The following VPS8 variants were observed in gnomAD, a reference collection of about 807,000 sequenced individuals.
VPS8 encodes VPS8 subunit of CORVET complex, also known as vacuolar protein sorting-associated protein 8 homolog.
In VPS8, 129 loss-of-function variants were observed where a neutral mutation model predicts 216.4. The observed-to-expected ratio is 0.60, with a 90% CI of 0.52 to 0.69. The LOEUF (loss-of-function observed/expected upper bound fraction) is 0.69. VPS8 is among the 30% of genes least tolerant of loss of function. VPS8 has a pLI of 0.00. For missense variants in VPS8, 1,531 were observed against 1,683.5 expected, an observed-to-expected ratio of 0.91 and a Z score of 1.59; for synonymous variants, 571 against 565.4, an observed-to-expected ratio of 1.01 and a Z score of -0.14.
chr3:184,840,535 T>A (rs928112265), intron 7 of VPS8: 3 of 151,524 alleles, frequency 2.0e-5, no homozygotes, highest in Admixed American at 6.6e-5. Context: ...ACCCCGTCTC[T>A]ACTGAAAAAA....
intron 36 of VPS8, among the ~76,000 whole-genome samples, chr3:184,955,270 C>T (rs1156981631): frequency 5.3e-5 from 8 of 152,110 alleles, no homozygotes; most frequent in South Asian, 2.1e-4. Context: ...ATGTTCCTCC[C>T]GTACTCCTGG....
chr3:184,921,354 G>A (rs1018599992), intron 29 of VPS8, among the ~76,000 whole-genome samples: 1 of 152,122 alleles, frequency 6.6e-6, no homozygotes. Flanking sequence ...ATCCAAAATG[G>A]CTGCTCCGGC....
intron 23 of VPS8, among the ~76,000 whole-genome samples, chr3:184,895,990 A>C (rs1043438956): frequency 2.0e-5 from 3 of 152,050 alleles, no homozygotes; most frequent in Non-Finnish European, 2.9e-5. Context: ...TTACTCCTGC[A>C]AAGGTGCCAA....
intron 37 of VPS8, among the ~76,000 whole-genome samples, chr3:184,962,214 A>G (rs916901274): frequency 2.0e-5 from 3 of 152,236 alleles, no homozygotes; most frequent in African/African-American, 7.2e-5. Context: ...TGTTATAAAC[A>G]GTGTTACAGT....
At chr3:185,003,614 T>G (rs1371808418) in intron 45 of VPS8, among the ~76,000 whole-genome samples, 1 of 151,918 alleles carries the variant, frequency 6.6e-6, no homozygotes. Context: ...TTCCCCCTTT[T>G]CTATTCCACA....
intron 25 of VPS8, among the ~76,000 whole-genome samples, chr3:184,907,746 G>A (rs944910543): frequency 2.0e-5 from 3 of 152,212 alleles, no homozygotes; most frequent in Non-Finnish European, 1.5e-5. Flanking sequence ...GGATATTGAA[G>A]TCTCCAAATA....
At chr3:185,009,108 T>C (rs1205158225) in intron 45 of VPS8, among the ~76,000 whole-genome samples, 1 of 152,240 alleles carries the variant, frequency 6.6e-6, no homozygotes, top group East Asian at 1.9e-4. Flanking sequence ...AGTCAGACTT[T>C]TGAAGTTCTG....
chr3:184,859,853 C>A, intron 14 of VPS8, 132 bp from the exon 15 acceptor site: 1 of 568,260 alleles, frequency 1.8e-6, no homozygotes, highest in Non-Finnish European at 3.1e-6. Context: ...GTGTAATTAT[C>A]AGTATTTTTG....
At chr3:185,033,278 C>T (rs1255512891) in intron 46 of VPS8, among the ~76,000 whole-genome samples, 2 of 152,304 alleles carry the variant, frequency 1.3e-5, no homozygotes, top group East Asian at 3.9e-4. Context: ...TCCCTGTGCT[C>T]CACCTATTTA....
intron 45 of VPS8, among the ~76,000 whole-genome samples, chr3:185,018,183 C>A (rs1756091213): frequency 6.6e-6 from 1 of 152,172 alleles, no homozygotes; most frequent in Non-Finnish European, 1.5e-5. Flanking sequence ...TAACAGGTCG[C>A]AGAGCAGCCT....
chr3:184,962,688 T>G (rs976189016), intron 37 of VPS8, among the ~76,000 whole-genome samples: 13 of 151,648 alleles, frequency 8.6e-5, no homozygotes, highest in African/African-American at 3.1e-4. Context: ...TGGCTTTTAG[T>G]GACTTCTGTT....
chr3:185,003,361 G>A (rs1415373536), intron 45 of VPS8, among the ~76,000 whole-genome samples: 5 of 145,500 alleles, frequency 3.4e-5, no homozygotes, highest in African/African-American at 7.8e-5. Flanking sequence ...GACTCTTAAC[G>A]AGCATGCTGC....
At chr3:184,927,232 A>C (rs920523343) in intron 31 of VPS8, among the ~76,000 whole-genome samples, 2 of 152,196 alleles carry the variant, frequency 1.3e-5, no homozygotes, top group Non-Finnish European at 2.9e-5. Context: ...GTGGGCACTA[A>C]GAGAGTCAAC....
At chr3:184,922,633 A>G in intron 29 of VPS8, 1 of 321,844 alleles carries the variant, frequency 3.1e-6, no homozygotes, top group Non-Finnish European at 6.2e-6. Flanking sequence ...TCTTGCGTCA[A>G]TGAAGAATGA....
intron 26 of VPS8, among the ~76,000 whole-genome samples, 191 bp from the exon 27 acceptor site, chr3:184,914,790 C>G (rs1737219093): frequency 6.6e-6 from 1 of 152,180 alleles, no homozygotes; most frequent in South Asian, 2.1e-4. Flanking sequence ...ATTACCTCAC[C>G]TCCATATCTG....
chr3:185,004,810 GCTGT>G (rs1444892606), intron 45 of VPS8, among the ~76,000 whole-genome samples: 6 of 151,966 alleles, frequency 3.9e-5, no homozygotes, highest in Admixed American at 1.3e-4. Context: ...CACTCTATGG[GCTGT>G]CTGTTTACTC....
intron 21 of VPS8, among the ~76,000 whole-genome samples, chr3:184,881,723 A>T (rs554610126): frequency 1.3e-5 from 2 of 152,214 alleles, no homozygotes; most frequent in African/African-American, 4.8e-5. Flanking sequence ...CATCAGTTTG[A>T]GGAGAACTGA....
chr3:185,015,715 T>C (rs756159385), intron 45 of VPS8, among the ~76,000 whole-genome samples: 4 of 152,258 alleles, frequency 2.6e-5, no homozygotes, highest in Non-Finnish European at 4.4e-5. Context: ...TAAATGGGTT[T>C]GCCAAGTAAG....
At chr3:184,914,572 A>G (rs1480491664) in intron 26 of VPS8, among the ~76,000 whole-genome samples, 1 of 152,204 alleles carries the variant, frequency 6.6e-6, no homozygotes, top group Non-Finnish European at 1.5e-5. Flanking sequence ...TACCATTCTT[A>G]GAGACCCTGG....
Sources: allele counts gnomAD v4.1 joint callset (sites outside exome capture counted in the v4.1 genomes callset), GRCh38; gene constraint gnomAD v4.1.1; transcripts MANE v1.5; gene names NCBI Gene and HGNC (gene_info 2026-07-23, HGNC 2026-07-21).